The following NFATC1 variants were observed in gnomAD, a reference collection of about 807,000 sequenced individuals.
The protein encoded by NFATC1 is nuclear factor of activated T cells 1.
Under a neutral mutation model 76.0 loss-of-function variants are expected in NFATC1, and 22 were observed. The ratio of observed to expected loss-of-function variants is 0.29; its 90% CI spans 0.21 to 0.41. NFATC1 has a LOEUF of 0.41. Among genes scored for constraint, NFATC1 ranks in the 10% least tolerant of loss-of-function variants. The pLI, the probability that NFATC1 is intolerant of heterozygous loss-of-function variation, is 1.00. For synonymous variants in NFATC1, 704 were observed against 613.1 expected (o/e 1.15, Z -2.19); for missense variants, 1,357 against 1,337.7 (o/e 1.01, Z -0.23).
At chr18:79,501,411 T>A (rs2090010853) in intron 9 of NFATC1, among the ~76,000 whole-genome samples, 1 of 152,190 alleles carries the variant, frequency 6.6e-6, no homozygotes, top group African/African-American at 2.4e-5. Flanking sequence ...TCTTTTCCCC[T>A]AGGATGAGGA....
chr18:79,401,236 T>C (rs115139772), intron 1 of NFATC1, among the ~76,000 whole-genome samples: 7,759 of 151,372 alleles, frequency 0.051, 332 homozygotes, highest in African/African-American at 0.12. Flanking sequence ...TCTGTGCCCA[T>C]TCTCAAGGCC....
chr18:79,419,457 G>T (rs1183660080), intron 2 of NFATC1, among the ~76,000 whole-genome samples: 8 of 146,682 alleles, frequency 5.5e-5, no homozygotes, highest in Non-Finnish European at 7.6e-5. Context: ...CCCTAGGAGG[G>T]CCGGCACCTG....
intron 3 of NFATC1, among the ~76,000 whole-genome samples, chr18:79,435,553 C>T (rs8090536): frequency 0.26 from 39,514 of 151,756 alleles, 5,529 homozygotes; most frequent in African/African-American, 0.37. Flanking sequence ...GTGCCTGGTG[C>T]CGCCCGTCTC....
intron 9 of NFATC1, among the ~76,000 whole-genome samples, chr18:79,513,747 C>T (rs2090316108): frequency 6.6e-6 from 1 of 152,226 alleles, no homozygotes; most frequent in African/African-American, 2.4e-5. Context: ...GGGTGTGTGG[C>T]CTGTGTGCTG....
rs550567931 is a variant in NFATC1 at position 79,459,018 on chromosome 18, G to A, written c.1904-2293G>A. ...TCGACCTGAAACGGCCACAGACGTC[G>A]GACACCACGGGGAGAGGCCCCACCT... On this transcript the variant is annotated intron_variant, in intron 6 of 9. Transcript: ENST00000427363. Among the ~76,000 whole-genome samples, 7 of 152,348 alleles carry A rather than the reference G, an allele frequency of 4.6e-5. No individual in the cohort carries two copies. In the East Asian group the frequency reaches 1.2e-3, roughly 25 times the overall value.
chr18:79,449,004 C>T lies in NFATC1; in HGVS notation c.1589+20C>T, dbSNP rs751271856. The T allele has an allele frequency of 1.1e-5, 17 of 1,610,270 alleles. No homozygotes were observed. The highest frequency in any genetic ancestry group is 4.0e-5 in the African/African-American group (3 of 74,894). ...AGCCGTGTAAGCCGCGGGGGACCTC[C>T]GGCCTCTGGCAGGGGGCGGTAGGAG... On this transcript the variant is annotated intron_variant, in intron 4 of 9. Transcript: ENST00000427363.
intron 1 of NFATC1, among the ~76,000 whole-genome samples, chr18:79,403,153 G>A (rs2085323722): frequency 6.6e-6 from 1 of 152,242 alleles, no homozygotes; most frequent in Non-Finnish European, 1.5e-5. Context: ...CAGGAGCCTG[G>A]CCCACGCCGC....
chr18:79,410,038 G>T lies in NFATC1; in HGVS notation c.128-365G>T. The T allele has an allele frequency of 3.3e-6, 2 of 602,220 alleles. No homozygotes were observed. The highest frequency in any genetic ancestry group is 3.8e-5 in the East Asian group (1 of 26,204). 37.3% of individuals were successfully genotyped at this position (602,220 alleles called of 1,614,324 possible). A position where few individuals can be genotyped will look rare whatever the true frequency, so the allele number is the denominator to read the frequency against. On this transcript the variant is annotated intron_variant, in intron 1 of 9. Coordinates refer to ENST00000427363, the MANE Select transcript of NFATC1 (RefSeq NM_001278669.2). The surrounding 1 kb of genome is among the most constrained non-coding windows in gnomAD (Gnocchi z 6.7). ...CGTGAGGACCCAGTCGCCTCTCTCT[G>T]GGAAGGACGTTCGGATGAAGATGGG...
chr18:79,445,990 A>C (rs1165705013), intron 3 of NFATC1, among the ~76,000 whole-genome samples: 3 of 152,356 alleles, frequency 2.0e-5, no homozygotes, highest in Non-Finnish European at 4.4e-5. Context: ...TAGGAGACTC[A>C]GTAGCTCTTA....
chr18:79,425,711 G>A (rs1445265262), intron 2 of NFATC1, among the ~76,000 whole-genome samples: 1 of 152,196 alleles, frequency 6.6e-6, no homozygotes, highest in Non-Finnish European at 1.5e-5. Flanking sequence ...TGCTGGGGAC[G>A]TGGCCTTTCT....
chr18:79,496,140 AC>A, intron 9 of NFATC1: 1 of 152,690 alleles, frequency 6.5e-6, no homozygotes, highest in East Asian at 1.9e-4. Context: ...ATGATTTCAA[AC>A]TTTACAGAAA....
At chr18:79,512,352 G>A (rs370536979) in intron 9 of NFATC1, among the ~76,000 whole-genome samples, 18 of 152,296 alleles carry the variant, frequency 1.2e-4, no homozygotes, top group Admixed American at 8.5e-4. Flanking sequence ...CTCCCACCAC[G>A]TGGAGTTTAG....
chr18:79,492,223 C>A (rs1041672521), intron 9 of NFATC1, among the ~76,000 whole-genome samples: 1 of 152,100 alleles, frequency 6.6e-6, no homozygotes, highest in Non-Finnish European at 1.5e-5. Context: ...TCTGCTCAGC[C>A]GCAGGAACCT....
At chr18:79,399,544 G>C (rs1568906218) in intron 1 of NFATC1, among the ~76,000 whole-genome samples, 4 of 152,266 alleles carry the variant, frequency 2.6e-5, no homozygotes, top group Admixed American at 2.0e-4. Context: ...GCCCAGGGCG[G>C]CCTCAGCTAA....
intron 8 of NFATC1, chr18:79,470,502 C>T (rs1018554716): frequency 1.3e-5 from 2 of 152,234 alleles, no homozygotes; most frequent in Non-Finnish European, 2.9e-5. Flanking sequence ...TTTGTAAAGT[C>T]AAGTCTCATT....
At chr18:79,413,494 A>G (rs2085769015) in intron 2 of NFATC1, among the ~76,000 whole-genome samples, 1 of 152,186 alleles carries the variant, frequency 6.6e-6, no homozygotes, top group Admixed American at 6.5e-5. Context: ...GTCTGTGTCC[A>G]GATGTCCCCT....
chr18:79,523,110 T>C (rs2090659109), intron 9 of NFATC1, among the ~76,000 whole-genome samples: 1 of 152,214 alleles, frequency 6.6e-6, no homozygotes, highest in Non-Finnish European at 1.5e-5. Flanking sequence ...CTCCCGGGGC[T>C]GTTGCAAGGA....
In NFATC1 at chr18:79,451,831, A is replaced by G; in HGVS notation, c.1903+15A>G. 1 of 1,594,620 alleles carries G rather than the reference A, an allele frequency of 6.3e-7. No homozygotes were observed. Among genetic ancestry groups the G allele is most frequent in the Non-Finnish European group, 8.6e-7 (1 of 1,168,892 alleles). The stretch of plus-strand genomic sequence containing the variant: ...GAAAGCCCCAGGTATGCTCTTCACC[A>G]GGGGCCATCTGCGGCCTGGGCTTCG... On this transcript the variant is annotated intron_variant, in intron 6 of 9. Coordinates refer to ENST00000427363, the MANE Select transcript of NFATC1 (RefSeq NM_001278669.2).
intron 1 of NFATC1, among the ~76,000 whole-genome samples, chr18:79,396,710 C>T (rs2085017504): frequency 6.6e-6 from 1 of 152,158 alleles, no homozygotes; most frequent in African/African-American, 2.4e-5. Context: ...GGAAGGGAGG[C>T]TTCCTTGGGA....
Sources: allele counts gnomAD v4.1 joint callset (sites outside exome capture counted in the v4.1 genomes callset), GRCh38; gene constraint gnomAD v4.1.1; non-coding constraint Gnocchi (gnomAD v3.1); transcripts MANE v1.5; gene names NCBI Gene and HGNC (gene_info 2026-07-23, HGNC 2026-07-21).